The following BICD1 variants were observed in gnomAD, a reference collection of about 807,000 sequenced individuals.
The protein encoded by BICD1 is BICD cargo adaptor 1, also known as protein bicaudal D homolog 1.
A neutral mutation model predicts 92.5 loss-of-function variants in BICD1; 35 were observed. The observed-to-expected ratio is 0.38, with a 90% confidence interval of 0.29 to 0.50. BICD1 has a LOEUF of 0.50. Among genes scored for constraint, BICD1 ranks in the 20% least tolerant of loss-of-function variants. The pLI is 0.93. For missense variants in BICD1, 950 were observed against 1,189.8 expected, an observed-to-expected ratio of 0.80 and a Z score of 2.97; for synonymous variants, 429 against 465.1, an observed-to-expected ratio of 0.92 and a Z score of 1.00.
intron 2 of BICD1, among the ~76,000 whole-genome samples, chr12:32,232,315 G>A (rs2121581650): frequency 6.6e-6 from 1 of 151,050 alleles, no homozygotes; most frequent in African/African-American, 2.4e-5. Flanking sequence ...CTGTGGTTTT[G>A]ATTTGCATTT....
At chr12:32,238,568 G>A (rs1030311493) in intron 2 of BICD1, among the ~76,000 whole-genome samples, 2 of 152,226 alleles carry the variant, frequency 1.3e-5, no homozygotes, top group South Asian at 4.1e-4. Context: ...TGAGTAAAAT[G>A]CGATCAAACA....
chr12:32,170,274 C>G (rs1304538509), intron 1 of BICD1, among the ~76,000 whole-genome samples: 1 of 152,142 alleles, frequency 6.6e-6, no homozygotes, highest in Non-Finnish European at 1.5e-5. Context: ...TGTTCCTTAC[C>G]TGTTTCCCCC....
intron 1 of BICD1, 148 bp downstream of exon 1, chr12:32,107,692 A>G (rs1256717387): frequency 2.2e-6 from 2 of 927,882 alleles, no homozygotes; most frequent in Non-Finnish European, 1.7e-6. Flanking sequence ...AGATTGAAAG[A>G]GTCCATTGTT....
chr12:32,320,657 TA>T (rs1693509536), intron 4 of BICD1, among the ~76,000 whole-genome samples: 1 of 150,110 alleles, frequency 6.7e-6, no homozygotes, highest in Non-Finnish European at 1.5e-5. Context: ...AGTAAATAAA[TA>T]AAAAATAAAA....
chr12:32,144,822 C>T (rs953847369), intron 1 of BICD1, among the ~76,000 whole-genome samples: 1 of 152,146 alleles, frequency 6.6e-6, no homozygotes, highest in Non-Finnish European at 1.5e-5. Context: ...TTCTGATACC[C>T]CCACTGGAGA....
intron 2 of BICD1, among the ~76,000 whole-genome samples, chr12:32,279,192 T>C (rs945826825): frequency 6.6e-6 from 1 of 152,194 alleles, no homozygotes; most frequent in African/African-American, 2.4e-5. Context: ...AATAGATTAG[T>C]GGTTACCTGG....
chr12:32,349,894 A>T (rs776602354), intron 8 of BICD1, among the ~76,000 whole-genome samples: 11 of 152,216 alleles, frequency 7.2e-5, no homozygotes, highest in Non-Finnish European at 1.3e-4. Flanking sequence ...TTTGATATCT[A>T]AAAAAGTATA....
intron 4 of BICD1, among the ~76,000 whole-genome samples, chr12:32,306,585 C>G (rs139118045): frequency 6.6e-6 from 1 of 151,928 alleles, no homozygotes; most frequent in East Asian, 1.9e-4. Flanking sequence ...CTAGAAACTT[C>G]GAAAGTGCAG....
At chr12:32,145,444 C>A (rs1943073562) in intron 1 of BICD1, among the ~76,000 whole-genome samples, 1 of 152,108 alleles carries the variant, frequency 6.6e-6, no homozygotes, top group African/African-American at 2.4e-5. Flanking sequence ...AATTAGTTAT[C>A]AGGTACTATG....
chr12:32,374,734 A>ATTT (rs1179747608), intron 9 of BICD1, among the ~76,000 whole-genome samples: 3,318 of 80,026 alleles, frequency 0.041, 77 homozygotes, highest in Non-Finnish European at 0.055. Context: ...CGCCCGGCTA[A>ATTT]TTTTTTTTTT....
intron 1 of BICD1, among the ~76,000 whole-genome samples, chr12:32,115,387 G>GTTTTTT (rs4035442): frequency 5.3e-4 from 75 of 142,386 alleles, no homozygotes; most frequent in Admixed American, 1.6e-3. Flanking sequence ...GGTGTTTTTG[G>GTTTTTT]TTTTTTTTTT....
chr12:32,300,273 C>A (rs1049130731), intron 3 of BICD1, among the ~76,000 whole-genome samples: 3 of 151,050 alleles, frequency 2.0e-5, no homozygotes, highest in African/African-American at 7.3e-5. Context: ...GGCTAATTTT[C>A]TTGTATTTTT....
intron 4 of BICD1, among the ~76,000 whole-genome samples, chr12:32,315,655 A>C (rs1258180623): frequency 6.6e-6 from 1 of 152,008 alleles, no homozygotes; most frequent in Non-Finnish European, 1.5e-5. Flanking sequence ...ATGCTTTATA[A>C]TTTTCAGAGT....
At chr12:32,351,491 A>C in intron 8 of BICD1, among the ~76,000 whole-genome samples, 1 of 147,662 alleles carries the variant, frequency 6.8e-6, no homozygotes, top group Non-Finnish European at 1.5e-5. Flanking sequence ...CTGTCTCAAA[A>C]AAAAAAAAAA....
At chr12:32,318,817 G>A (rs1471544862) in intron 4 of BICD1, among the ~76,000 whole-genome samples, 3 of 152,172 alleles carry the variant, frequency 2.0e-5, no homozygotes, top group Non-Finnish European at 4.4e-5. Flanking sequence ...TCGTGCCATC[G>A]CACTCCAGCC....
intron 1 of BICD1, among the ~76,000 whole-genome samples, chr12:32,139,050 AT>A (rs1942821185): frequency 6.6e-6 from 1 of 152,220 alleles, no homozygotes. Flanking sequence ...AATTCCATAA[AT>A]AATGTTTGTA....
intron 2 of BICD1, among the ~76,000 whole-genome samples, chr12:32,283,177 C>T (rs1430801659): frequency 6.6e-6 from 1 of 151,962 alleles, no homozygotes; most frequent in Non-Finnish European, 1.5e-5. Context: ...AAATAACTTG[C>T]TATACTGTGA....
chr12:32,232,530 T>C (rs10844157), intron 2 of BICD1, among the ~76,000 whole-genome samples: 56,893 of 139,650 alleles, frequency 0.41, 11,878 homozygotes, highest in Non-Finnish European at 0.47. Context: ...TTCTCCCATT[T>C]TGTAGGTTGC....
At chr12:32,113,263 G>A (rs1182895074) in intron 1 of BICD1, among the ~76,000 whole-genome samples, 1 of 152,288 alleles carries the variant, frequency 6.6e-6, no homozygotes, top group African/African-American at 2.4e-5. Flanking sequence ...TATGTGGAAA[G>A]TGAGGAAGAC....
Sources: gnomAD v4.1 joint callset for allele counts (sites outside exome capture counted in the v4.1 genomes callset) on GRCh38, gnomAD v4.1.1 for gene constraint, MANE v1.5 for transcripts, NCBI Gene and HGNC (gene_info 2026-07-23, HGNC 2026-07-21) for gene names.